The following OTOP1 variants were observed in gnomAD, a reference collection of about 807,000 sequenced individuals.
OTOP1 encodes proton channel OTOP1.
OTOP1 carries 59 observed loss-of-function variants against 52.9 expected under a neutral mutation model. The observed-to-expected ratio is 1.12, with a 90% CI of 0.91 to 1.39. OTOP1 has a LOEUF of 1.39. Among genes scored for constraint, OTOP1 ranks in the 40% most tolerant of loss-of-function variants. OTOP1 has a pLI of 0.00. For synonymous variants in OTOP1, 317 were observed against 337.7 expected (o/e 0.94, Z 0.67); for missense variants, 761 against 800.9 (o/e 0.95, Z 0.60).
chr4:4,208,350 C>T (rs1371561456), intron 2 of OTOP1, among the ~76,000 whole-genome samples: 4 of 152,202 alleles, frequency 2.6e-5, no homozygotes, highest in Non-Finnish European at 5.9e-5. Flanking sequence ...CAGTTCCCAG[C>T]TTGACTTTTC....
chr4:4,208,994 T>C (rs1292574203), intron 2 of OTOP1, among the ~76,000 whole-genome samples: 4 of 151,924 alleles, frequency 2.6e-5, no homozygotes, highest in East Asian at 1.9e-4. Context: ...AAAGCCAGAG[T>C]TGTCATCAGT....
At chr4:4,221,754 A>G (rs1173876452) in intron 1 of OTOP1, among the ~76,000 whole-genome samples, 1 of 152,144 alleles carries the variant, frequency 6.6e-6, no homozygotes, top group Non-Finnish European at 1.5e-5. Context: ...CAAATGATTC[A>G]TAATTTGCTG....
Position 4,188,953 on chromosome 4 carries a change from A to G in OTOP1, c.1689T>C (p.Phe563=). The part of the protein sequence containing the change: ...CNISLWIPPA[F]GCRPEYDNGL... ...CATTGTCATACTCAGGTCGACAGCC[A>G]AAGGCGGGAGGTATCCAAAGCTGCA... The change falls in exon 6 of 6, where the codon TTT becomes TTC. Residue 563 remains phenylalanine, a synonymous_variant. Coordinates refer to ENST00000296358, the MANE Select transcript of OTOP1 (RefSeq NM_177998.3). 6.2e-7 allele frequency: 1 copy of G among 1,613,158 alleles called. No homozygotes were observed. Among genetic ancestry groups the G allele is most frequent in the Non-Finnish European group, 8.5e-7 (1 of 1,179,486 alleles).
At position 4,194,369 on chromosome 4, in the gene OTOP1, C is replaced by T. The variant is rs564277803; in HGVS notation, c.1668+2797G>A. Among the ~76,000 whole-genome samples the T allele has an allele frequency of 2.0e-5, 3 of 152,304 alleles. No homozygotes were observed. The South Asian group carries it at 6.2e-4, about 32-fold the overall frequency. On this transcript the variant is annotated intron_variant, in intron 5 of 5. Coordinates refer to ENST00000296358, the MANE Select transcript of OTOP1 (RefSeq NM_177998.3). ...TTTCAATTCTTGGTTCACTGCTGTG[C>T]CCCTGACATAGCCCCTGGCATACAG... is the stretch of plus-strand genomic sequence containing the variant.
intron 1 of OTOP1, among the ~76,000 whole-genome samples, chr4:4,213,954 GTGGTGCATGC>G (rs1384834110): frequency 1.3e-5 from 2 of 152,114 alleles, no homozygotes; most frequent in African/African-American, 4.8e-5. Flanking sequence ...CCTTGGTATG[GTGGTGCATGC>G]CTATAATCCC....
At chr4:4,195,343 T>C (rs1716598199) in intron 5 of OTOP1, among the ~76,000 whole-genome samples, 1 of 152,234 alleles carries the variant, frequency 6.6e-6, no homozygotes, top group Non-Finnish European at 1.5e-5. Context: ...AGTCATTCCT[T>C]GCTGATGCGG....
intron 4 of OTOP1, among the ~76,000 whole-genome samples, chr4:4,198,351 T>A (rs1716700667): frequency 6.6e-6 from 1 of 152,150 alleles, no homozygotes; most frequent in East Asian, 1.9e-4. Flanking sequence ...ATAGAGAAGA[T>A]GACTCTATTG....
intron 4 of OTOP1, among the ~76,000 whole-genome samples, chr4:4,198,924 C>T (rs1716713187): frequency 6.6e-6 from 1 of 152,236 alleles, no homozygotes; most frequent in South Asian, 2.1e-4. Flanking sequence ...GGAGCGGTGA[C>T]TCAGCCCTGT....
At chr4:4,202,684 G>A in intron 3 of OTOP1, 106 bp from the exon 4 acceptor site, 1 of 1,448,266 alleles carries the variant, frequency 6.9e-7, no homozygotes, top group East Asian at 2.4e-5. Flanking sequence ...TCTCAGCCAT[G>A]ATTCTGGTTT....
intron 5 of OTOP1, among the ~76,000 whole-genome samples, chr4:4,191,414 T>C (rs1206911799): frequency 6.6e-6 from 1 of 151,838 alleles, no homozygotes; most frequent in Non-Finnish European, 1.5e-5. Context: ...TCCCAAAATA[T>C]TTAAAGTAAA....
intron 1 of OTOP1, among the ~76,000 whole-genome samples, chr4:4,216,094 C>T (rs931385665): frequency 6.6e-5 from 10 of 151,796 alleles, no homozygotes; most frequent in South Asian, 2.1e-4. Flanking sequence ...TCACTGAGCC[C>T]GGCTGAAAGT....
intron 1 of OTOP1, among the ~76,000 whole-genome samples, chr4:4,215,778 T>G (rs1483853132): frequency 6.6e-6 from 1 of 152,186 alleles, no homozygotes; most frequent in East Asian, 1.9e-4. Flanking sequence ...TCTAAAGCTT[T>G]TCTAAAATAG....
intron 2 of OTOP1, among the ~76,000 whole-genome samples, chr4:4,207,827 GA>G (rs1291191710): frequency 6.6e-6 from 1 of 152,180 alleles, no homozygotes; most frequent in Non-Finnish European, 1.5e-5. Flanking sequence ...GCATCTGGGA[GA>G]CAGGTCTGTG....
At position 4,221,262 on chromosome 4, in the gene OTOP1, A is replaced by C. The variant is rs1274673742; in HGVS notation, c.403+5200T>G. Among the ~76,000 whole-genome samples, 3 of 151,586 alleles carry C rather than the reference A, an allele frequency of 2.0e-5. 1 individual carries two copies. In the South Asian group the frequency reaches 6.3e-4, roughly 32 times the overall value. On this transcript the variant is annotated intron_variant, in intron 1 of 5. Coordinates refer to ENST00000296358, the MANE Select transcript of OTOP1 (RefSeq NM_177998.3). The stretch of plus-strand genomic sequence containing the variant: ...GAGACCCCTGTCTCTACAAAAATCA[A>C]TTTTAAGAAAATGAGCCAGGCGTAG...
At chr4:4,219,810 T>C (rs1340606936) in intron 1 of OTOP1, among the ~76,000 whole-genome samples, 3 of 143,682 alleles carry the variant, frequency 2.1e-5, no homozygotes, top group South Asian at 4.5e-4. Flanking sequence ...TATATATACG[T>C]GTATATATGT....
chr4:4,226,018 A>G (rs1717424261), intron 1 of OTOP1, among the ~76,000 whole-genome samples: 1 of 152,236 alleles, frequency 6.6e-6, no homozygotes, highest in Non-Finnish European at 1.5e-5. Flanking sequence ...GTGCAGAGGC[A>G]GAGGTCCTGC....
In OTOP1 at chr4:4,209,316, T is replaced by TTA. The variant is rs967713949; in HGVS notation, c.541-3188_541-3187dup. ...TGTTTTTTAGAACAGTGCCTAATTGTTATATATATATACACATATATATAC... is the reference window on the plus strand; with the variant it reads ...TGTTTTTTAGAACAGTGCCTAATTGTTATATATATATATACACATATATATAC... On this transcript the variant is annotated intron_variant, in intron 2 of 5. Transcript: ENST00000296358. Among the ~76,000 whole-genome samples, 332 of 151,868 alleles carry TTA rather than the reference T, an allele frequency of 2.2e-3. 2 individuals carry two copies. Among genetic ancestry groups the TTA allele is most frequent in the African/African-American group, 4.2e-3 (173 of 41,316 alleles).
chr4:4,190,532 T>G, intron 5 of OTOP1, among the ~76,000 whole-genome samples: 1 of 152,246 alleles, frequency 6.6e-6, no homozygotes, highest in East Asian at 1.9e-4. Flanking sequence ...GTAGTGAATA[T>G]GTACAAACTT....
intron 5 of OTOP1, among the ~76,000 whole-genome samples, chr4:4,191,134 A>T (rs1716494630): frequency 6.6e-6 from 1 of 152,150 alleles, no homozygotes; most frequent in African/African-American, 2.4e-5. Flanking sequence ...TCGAGGCTCC[A>T]GGTGTCATCC....
Sources: gnomAD v4.1 joint callset for allele counts (sites outside exome capture counted in the v4.1 genomes callset) on GRCh38, gnomAD v4.1.1 for gene constraint, MANE v1.5 for transcripts, NCBI Gene and HGNC (gene_info 2026-07-23, HGNC 2026-07-21) for gene names.